Variants in ITGB7 observed in about 807,000 individuals in gnomAD.
The protein encoded by ITGB7 is integrin beta-7.
ITGB7 carries 55 observed loss-of-function variants against 83.4 expected under a neutral mutation model. The ratio of observed to expected loss-of-function variants is 0.66; its 90% confidence interval spans 0.53 to 0.83. The LOEUF (loss-of-function observed/expected upper bound fraction) is 0.83. Among genes scored for constraint, ITGB7 ranks in the 40% least tolerant of loss-of-function variants. The pLI is 0.00. For missense variants in ITGB7, 921 were observed against 1,046.7 expected (o/e 0.88, Z 1.66); for synonymous variants, 454 against 423.6 (o/e 1.07, Z -0.88).
At chr12:53,195,351 C>T (rs567733234) in intron 9 of ITGB7, 23 bp downstream of exon 9, 6 of 1,551,678 alleles carry the variant, frequency 3.9e-6, no homozygotes, top group South Asian at 3.3e-5. Context: ...CCCTCACCAT[C>T]TCCCCTTCCC....
At chr12:53,194,509 G>T in intron 9 of ITGB7, 165 bp from the exon 10 acceptor site, 2 of 637,248 alleles carry the variant, frequency 3.1e-6, no homozygotes, top group Non-Finnish European at 2.7e-6. Context: ...GAGGACCCGT[G>T]AGAACCTTGC....
At position 53,197,935 on chromosome 12, in the gene ITGB7, C is replaced by T; in HGVS notation, c.218G>A (p.Gly73Glu). 1 of 1,541,864 alleles carries T rather than the reference C, an allele frequency of 6.5e-7. No homozygotes were observed. Among genetic ancestry groups the T allele is most frequent in the Non-Finnish European group, 8.7e-7 (1 of 1,151,436 alleles). ...WCKQLNFTAS[G>E]EAEARRCARR... Reference sequence around the variant, plus strand: ...GGCGCAGCGCCGCGCCTCCGCCTCTCCCGACGCGGTGAAGTTCTGCTCAGC... The same window carrying T: ...GGCGCAGCGCCGCGCCTCCGCCTCTTCCGACGCGGTGAAGTTCTGCTCAGC... The change falls in exon 4 of 16, where the codon GGA becomes GAA. Residue 73 changes from glycine to glutamate, a missense_variant. Coordinates refer to ENST00000267082, the MANE Select transcript of ITGB7 (RefSeq NM_000889.3).
In ITGB7 at chr12:53,193,621, G is replaced by C. The variant is rs3817537; in HGVS notation, c.1502+87C>G. On this transcript the variant is annotated intron_variant, in intron 11 of 15. Transcript: ENST00000267082. ...TCGGGATGTCGAGGAGACTCCTGTG[G>C]GGGGGATGGAAAGCAGCGGAGGAAT... 8.4e-4 allele frequency: 998 copies of C among 1,192,962 alleles called. 11 individuals are homozygous for C. The East Asian group carries it at 0.022, about 26-fold the overall frequency. 73.9% of individuals were successfully genotyped at this position (1,192,962 alleles called of 1,614,324 possible). A position where few individuals can be genotyped will look rare whatever the true frequency, so the allele number is the denominator to read the frequency against.
intron 12 of ITGB7, 74 bp from the exon 13 acceptor site, chr12:53,192,984 C>G: frequency 6.8e-7 from 1 of 1,469,016 alleles, no homozygotes; most frequent in Non-Finnish European, 9.4e-7. Context: ...CACGACAAGC[C>G]CACGCATCCA....
In ITGB7 at chr12:53,193,200, CA is replaced by C; in HGVS notation, c.1665del (p.His557IlefsTer119). 6.2e-7 allele frequency: 1 copy of C among 1,614,074 alleles called. No individual in the cohort carries two copies. The highest frequency in any genetic ancestry group is 2.2e-5 in the East Asian group (1 of 44,876). On this transcript the variant is annotated frameshift_variant, in exon 12 of 16. Coordinates refer to ENST00000267082, the MANE Select transcript of ITGB7 (RefSeq NM_000889.3). LOFTEE classifies it high-confidence loss of function. ...GCATCGTCACACTCGCACAGATGCC[CA>C]GAGCTCTGTCCACTGCAGCTGCAGC... The part of the protein sequence containing the change: ...CGRCSCSGQS[S>X]GHLCECDDAS...
intron 5 of ITGB7, 141 bp from the exon 6 acceptor site, chr12:53,196,961 G>A (rs1376121415): frequency 3.3e-6 from 3 of 914,070 alleles, no homozygotes; most frequent in Non-Finnish European, 3.3e-6. Context: ...CTGGTAACTG[G>A]CAAGCAAAGC....
rs761762679 is a variant in ITGB7, at chr12:53,197,728, G to GGCCC, written c.403+18_403+21dup. 49 of 1,586,772 alleles carry GGCCC rather than the reference G, an allele frequency of 3.1e-5. No homozygotes were observed. The African/African-American group carries it at 5.8e-4, about 19-fold the overall frequency. On this transcript the variant is annotated intron_variant, in intron 4 of 15. Transcript: ENST00000267082. ...GAACGCCAGCCTAGACCTCTGGCCT[G>GGCCC]GCCCCGCCTCCCCTAACTCACCAGG...
intron 1 of ITGB7, among the ~76,000 whole-genome samples, chr12:53,205,793 G>A (rs1256609329): frequency 6.6e-6 from 1 of 152,180 alleles, no homozygotes; most frequent in Non-Finnish European, 1.5e-5. Context: ...TGCACAGAGT[G>A]TGGGAAAGGG....
chr12:53,200,502 T>A (rs1241554855), intron 2 of ITGB7, 56 bp from the exon 3 acceptor site: 1 of 1,458,938 alleles, frequency 6.9e-7, no homozygotes, highest in Middle Eastern at 1.8e-4. Context: ...TCTCAAACTC[T>A]CAGTCCTCTA....
chr12:53,195,175 T>G, intron 9 of ITGB7, 199 bp downstream of exon 9: 1 of 593,804 alleles, frequency 1.7e-6, no homozygotes, highest in Non-Finnish European at 3.0e-6. Context: ...CCATGCTGTC[T>G]GCATGTCAGA....
At position 53,191,551 on chromosome 12, in the gene ITGB7, C is replaced by T. The variant is rs1236975316; in HGVS notation, c.*5G>A. 1.2e-6 allele frequency: 2 copies of T among 1,607,628 alleles called. No homozygotes were observed. Among genetic ancestry groups the T allele is most frequent in the Non-Finnish European group, 1.7e-6 (2 of 1,174,068 alleles). On this transcript the variant is annotated 3_prime_UTR_variant, in exon 16 of 16. Coordinates refer to ENST00000267082, the MANE Select transcript of ITGB7 (RefSeq NM_000889.3). The stretch of plus-strand genomic sequence containing the variant: ...AAGAGCCTTGGGTAAGTGTCCCTCC[C>T]TCCTTCAGAGAGTGGGACTGTCTGC...
chr12:53,202,680 A>C (rs1299861138), intron 1 of ITGB7, among the ~76,000 whole-genome samples: 1 of 151,502 alleles, frequency 6.6e-6, no homozygotes, highest in Admixed American at 6.6e-5. Context: ...CTTTAAAAAA[A>C]GGCCAGGTAC....
chr12:53,204,327 C>T (rs1205017868), intron 1 of ITGB7, among the ~76,000 whole-genome samples: 1 of 151,534 alleles, frequency 6.6e-6, no homozygotes, highest in Admixed American at 6.6e-5. Context: ...TTGCAGTGAG[C>T]CGAGATTGTG....
chr12:53,205,235 A>AGT (rs375181115), intron 1 of ITGB7, among the ~76,000 whole-genome samples: 187 of 152,196 alleles, frequency 1.2e-3, no homozygotes, highest in African/African-American at 4.3e-3. Flanking sequence ...ACCCGGCTGT[A>AGT]GTGTACTGGT....
chr12:53,192,799 C>T lies in ITGB7; in HGVS notation c.1838G>A (p.Cys613Tyr). 6.2e-7 allele frequency: 1 copy of T among 1,614,246 alleles called. No homozygotes were observed. The highest frequency in any genetic ancestry group is 8.5e-7 in the Non-Finnish European group (1 of 1,180,042). ...GCATTTGCAGCGTCCATGCCCACTG[C>T]AGAGCCCTCCCTCGGGACTGATGCA... ...DSCISPEGGL[C>Y]SGHGRCKCNR... is the part of the protein sequence containing the mutation. Residue 613 changes from cysteine to tyrosine, a missense_variant, in exon 13 of 16, where the codon TGC (cysteine) becomes TAC (tyrosine). Cys to Tyr is a radical substitution (Grantham distance 194, BLOSUM62 -2). Transcript: ENST00000267082.
In ITGB7 at chr12:53,196,757, C is replaced by T. The variant is rs746751118; in HGVS notation, c.638G>A (p.Arg213His). ...CTCCAGCCGGGTGGGGCAGGGGTGG[C>T]GCAGTTTGGAGGGTACTGTGCTCAC... ...PFVSTVPSKL[R>H]HPCPTRLERC... is the part of the protein sequence containing the mutation. The change falls in exon 6 of 16, where the codon CGC (arginine) becomes CAC (histidine). Residue 213 changes from arginine (R) to histidine (H), a missense_variant. Transcript: ENST00000267082. The T allele has an allele frequency of 8.1e-6, 13 of 1,613,466 alleles. No homozygotes were observed. Among genetic ancestry groups the T allele is most frequent in the South Asian group, 2.2e-5 (2 of 91,006 alleles).
chr12:53,191,466 C>G lies in ITGB7; in HGVS notation c.*90G>C. ...ACCTCGCCAGTGAATTAGTCCCCTA[C>G]CAAGGTCTTACAGACCCACCCTTCC... On this transcript the variant is annotated 3_prime_UTR_variant, in exon 16 of 16. Coordinates refer to ENST00000267082, the MANE Select transcript of ITGB7 (RefSeq NM_000889.3). 9.8e-7 allele frequency: 1 copy of G among 1,020,504 alleles called. No homozygotes were observed. Among genetic ancestry groups the G allele is most frequent in the Admixed American group, 1.7e-5 (1 of 59,018 alleles). The allele number at this position is 1,020,504 out of a possible 1,614,324, so 63.2% of individuals were successfully genotyped here. A position where few individuals can be genotyped will look rare whatever the true frequency, so the allele number is the denominator to read the frequency against.
At chr12:53,203,381 C>T (rs1430696018) in intron 1 of ITGB7, among the ~76,000 whole-genome samples, 1 of 152,106 alleles carries the variant, frequency 6.6e-6, no homozygotes, top group Non-Finnish European at 1.5e-5. Flanking sequence ...GGTATGGTGG[C>T]TCACACCTGT....
intron 2 of ITGB7, 57 bp from the exon 3 acceptor site, chr12:53,200,503 C>A: frequency 6.9e-7 from 1 of 1,457,814 alleles, no homozygotes; most frequent in Non-Finnish European, 9.6e-7. Flanking sequence ...CTCAAACTCT[C>A]AGTCCTCTAA....
Sources: allele counts gnomAD v4.1 joint callset (sites outside exome capture counted in the v4.1 genomes callset), GRCh38; gene constraint gnomAD v4.1.1; transcripts MANE v1.5; gene names NCBI Gene and HGNC (gene_info 2026-07-23, HGNC 2026-07-21).